Variants in CASP2 observed in about 807,000 individuals in gnomAD.
The protein encoded by CASP2 is caspase-2.
A neutral mutation model predicts 54.4 loss-of-function variants in CASP2; 38 were observed. The observed-to-expected ratio is 0.70, with a 90% CI of 0.54 to 0.92. The LOEUF (loss-of-function observed/expected upper bound fraction) is 0.92. Among genes scored for constraint, CASP2 ranks in the 40% least tolerant of loss-of-function variants. CASP2 has a pLI of 0.00. For missense variants in CASP2, 512 were observed against 579.6 expected, an observed-to-expected ratio of 0.88 and a Z score of 1.20; for synonymous variants, 215 against 216.3, an observed-to-expected ratio of 0.99 and a Z score of 0.05.
chr7:143,288,410 T>C lies in CASP2; in HGVS notation c.-46T>C, dbSNP rs777547508. ...GGGGAAGCGACGGCCCCCGGTTTGT[T>C]TGGGCTGTGGGCGGTGCGCAGCGGA... On this transcript the variant is annotated 5_prime_UTR_variant, in exon 1 of 11. Coordinates refer to ENST00000310447, the MANE Select transcript of CASP2 (RefSeq NM_032982.4). 6.3e-7 allele frequency: 1 copy of C among 1,597,128 alleles called. No homozygotes were observed. Among genetic ancestry groups the C allele is most frequent in the Non-Finnish European group, 8.6e-7 (1 of 1,167,432 alleles).
At chr7:143,300,351 G>C (rs1195390844) in intron 8 of CASP2, 57 bp downstream of exon 8, 2 of 1,607,304 alleles carry the variant, frequency 1.2e-6, no homozygotes. Context: ...CCTCCCACCA[G>C]CTCTCACTTT....
intron 6 of CASP2, among the ~76,000 whole-genome samples, chr7:143,295,402 G>C (rs903903334): frequency 6.6e-6 from 1 of 152,154 alleles, no homozygotes; most frequent in Non-Finnish European, 1.5e-5. Flanking sequence ...TCTAGAAATT[G>C]TAAACATTTT....
rs954553345 is a variant in CASP2 at position 143,293,040 on chromosome 7, A to AG, written c.475+348dup. The AG allele has an allele frequency of 7.8e-5, 47 of 601,068 alleles. No individual in the cohort carries two copies. In the Admixed American group the frequency reaches 8.3e-4, roughly 11 times the overall value. The allele number at this position is 601,068 out of a possible 1,614,324, so 37.2% of individuals were successfully genotyped here. A position where few individuals can be genotyped will look rare whatever the true frequency, so the allele number is the denominator to read the frequency against. ...AATAAAATAAAATAAAATAAAAAGG[A>AG]GGGGGGTGTCCCAGATTGACTTCCC... On this transcript the variant is annotated intron_variant, in intron 4 of 10. Transcript: ENST00000310447.
At chr7:143,290,914 G>T (rs1053468727) in intron 1 of CASP2, 4 of 155,732 alleles carry the variant, frequency 2.6e-5, no homozygotes, top group Non-Finnish European at 5.7e-5. Context: ...CTCTTTTAAA[G>T]TAAATAGATA....
At position 143,305,177 on chromosome 7, in the gene CASP2, G is replaced by A; in HGVS notation, c.*106G>A. 1 of 1,422,200 alleles carries A rather than the reference G, an allele frequency of 7.0e-7. No homozygotes were observed. Among genetic ancestry groups the A allele is most frequent in the Non-Finnish European group, 9.8e-7 (1 of 1,018,718 alleles). 88.1% of individuals were successfully genotyped at this position (1,422,200 alleles called of 1,614,324 possible). A position where few individuals can be genotyped will look rare whatever the true frequency, so the allele number is the denominator to read the frequency against. ...ACGGTTTCTGTTCTGCCCCCTCAGG[G>A]ATGTGGGAATCTCCCAGACTTGTTT... On this transcript the variant is annotated 3_prime_UTR_variant, in exon 11 of 11. Transcript: ENST00000310447.
intron 8 of CASP2, chr7:143,302,077 T>C (rs4647325): frequency 1.1e-4 from 16 of 152,188 alleles, no homozygotes; most frequent in Admixed American, 2.0e-4. Context: ...TGAAAATTAA[T>C]CTGCCTGAAA....
chr7:143,291,685 A>T lies in CASP2; in HGVS notation c.220A>T (p.Ile74Phe), dbSNP rs1801565150. 2.5e-6 allele frequency: 4 copies of T among 1,613,632 alleles called. No homozygotes were observed. The East Asian group carries it at 6.7e-5, about 27-fold the overall frequency. The stretch of plus-strand genomic sequence containing the variant: ...CATCACCTTGGAAATGAGGGAGCTC[A>T]TCCAGGTATCTGGAGGCAAAAGAGA... Reference protein sequence around the residue: ...DIITLEMRELIQAKVGSFSQN... With the variant: ...DIITLEMRELFQAKVGSFSQN... Residue 74 changes from isoleucine (I) to phenylalanine (F), a missense_variant, in exon 2 of 11, where the codon ATC becomes TTC. Ile to Phe is a conservative substitution (Grantham distance 21). Around this residue, in one of 3 missense-constraint regions of CASP2, gnomAD observed 417 missense variants for 495.4 expected, o/e 0.84. Transcript: ENST00000310447.
In CASP2 at chr7:143,292,332, A is replaced by G; in HGVS notation, c.258A>G (p.Glu86=). The G allele has an allele frequency of 6.2e-7, 1 of 1,614,110 alleles. No individual in the cohort carries two copies. The highest frequency in any genetic ancestry group is 8.5e-7 in the Non-Finnish European group (1 of 1,180,024). The change falls in exon 3 of 11, where the codon GAA becomes GAG. Residue 86 remains glutamate (E), a synonymous_variant. Coordinates refer to ENST00000310447, the MANE Select transcript of CASP2 (RefSeq NM_032982.4). ...AKVGSFSQNV[E]LLNLLPKRGP... ...TGGGCAGTTTCAGCCAGAATGTGGA[A>G]CTCCTCAACTTGCTGCCTAAGAGGG...
At position 143,294,292 on chromosome 7, in the gene CASP2, A is replaced by T; in HGVS notation, c.538A>T (p.Thr180Ser). 1 of 1,611,460 alleles carries T rather than the reference A, an allele frequency of 6.2e-7. No homozygotes were observed. Residue 180 changes from threonine (T) to serine (S), a missense_variant, in exon 5 of 11, where the codon ACT becomes TCT. Thr to Ser is a moderately conservative substitution (Grantham distance 58). This residue lies in a region of CASP2 where 417 missense variants were observed against 495.4 expected (regional missense o/e 0.84). Transcript: ENST00000310447. ...TGTCTGCCTTCAGGTGAAGCCTTGC[A>T]CTCCTGAATTTTATCAAACACACTT... ...GPVCLQVKPC[T>S]PEFYQTHFQL...
chr7:143,300,003 G>A lies in CASP2; in HGVS notation c.828G>A (p.Ser276=), dbSNP rs373653048. 9.7e-5 allele frequency: 157 copies of A among 1,614,066 alleles called. No individual in the cohort carries two copies. The highest frequency in any genetic ancestry group is 6.7e-5 in the Admixed American group (4 of 60,012). Residue 276 remains serine, a synonymous_variant, in exon 7 of 11, where the codon TCG becomes TCA. Coordinates refer to ENST00000310447, the MANE Select transcript of CASP2 (RefSeq NM_032982.4). ...ACTCCTGCATCGTGGCACTCCTCTC[G>A]CATGGTGTGGAGGGCGCCATCTATG... The part of the protein sequence containing the change: ...VTDSCIVALL[S]HGVEGAIYGV...
rs1200747885 is a variant in CASP2 at position 143,306,151 on chromosome 7, T to C, written c.*1080T>C. Reference sequence around the variant, plus strand: ...AGTATTAAACTCTCCTTTGATATTATGTGGCTTTTATTTCAGTGCCATACA... The same window carrying C: ...AGTATTAAACTCTCCTTTGATATTACGTGGCTTTTATTTCAGTGCCATACA... On this transcript the variant is annotated 3_prime_UTR_variant, in exon 11 of 11. Coordinates refer to ENST00000310447, the MANE Select transcript of CASP2 (RefSeq NM_032982.4). 4 of 152,282 alleles carry C rather than the reference T, an allele frequency of 2.6e-5. No homozygotes were observed. In the East Asian group the frequency reaches 7.7e-4, roughly 29 times the overall value. The allele number at this position is 152,282 out of a possible 1,614,324, so 9.4% of individuals were successfully genotyped here.
At chr7:143,304,006 C>T in intron 9 of CASP2, 73 bp downstream of exon 9, 1 of 1,346,890 alleles carries the variant, frequency 7.4e-7, no homozygotes, top group South Asian at 1.3e-5. Flanking sequence ...TTTGCAGGTA[C>T]AGGTTGAGTA....
chr7:143,305,253 T>TGC lies in CASP2; in HGVS notation c.*182_*183insGC. 1.3e-6 allele frequency: 1 copy of TGC among 767,194 alleles called. No individual in the cohort carries two copies. The highest frequency in any genetic ancestry group is 1.5e-5 in the South Asian group (1 of 64,802). 47.5% of individuals were successfully genotyped at this position (767,194 alleles called of 1,614,324 possible). ...AGTGTGGGACTCCAGGCCAGCTCCTTTTCTGTGAAGCCCTTTGCCTGTAGA... is the reference window on the plus strand; with the variant it reads ...AGTGTGGGACTCCAGGCCAGCTCCTTGCTTCTGTGAAGCCCTTTGCCTGTAGA... On this transcript the variant is annotated 3_prime_UTR_variant, in exon 11 of 11. Transcript: ENST00000310447.
intron 8 of CASP2, 140 bp from the exon 9 acceptor site, chr7:143,303,644 T>A (rs1386042123): frequency 2.0e-5 from 13 of 656,248 alleles, no homozygotes; most frequent in Non-Finnish European, 3.5e-5. Flanking sequence ...TTTTTTAGTT[T>A]ATCAGCCATA....
rs1407010476 is a variant in CASP2, at chr7:143,305,375, G to A, written c.*304G>A. The A allele has an allele frequency of 6.3e-6, 3 of 472,928 alleles. No homozygotes were observed. In the Admixed American group the frequency reaches 1.0e-4, roughly 16 times the overall value. 29.3% of individuals were successfully genotyped at this position (472,928 alleles called of 1,614,324 possible). ...AACACAGTGTGGTTATGGGGAGAGG[G>A]CATATAAATTCCCCATATTTGTGTT... On this transcript the variant is annotated 3_prime_UTR_variant, in exon 11 of 11. Coordinates refer to ENST00000310447, the MANE Select transcript of CASP2 (RefSeq NM_032982.4).
chr7:143,294,090 T>A, intron 4 of CASP2, 140 bp from the exon 5 acceptor site: 1 of 680,076 alleles, frequency 1.5e-6, no homozygotes, highest in Non-Finnish European at 2.7e-6. Context: ...TCTGCCCTCA[T>A]GAAGCTTACA....
chr7:143,291,723 A>ATCAT, intron 2 of CASP2, 33 bp downstream of exon 2: 1 of 1,560,108 alleles, frequency 6.4e-7, no homozygotes, highest in Non-Finnish European at 8.8e-7. Context: ...AGATAAATTG[A>ATCAT]TCATGGGGTG....
chr7:143,304,640 A>G (rs1802013990), intron 9 of CASP2, 34 bp from the exon 10 acceptor site: 2 of 1,496,090 alleles, frequency 1.3e-6, no homozygotes, highest in South Asian at 1.1e-5. Flanking sequence ...GTGTGATGGC[A>G]TTCACACTGT....
In CASP2 at chr7:143,305,296, C is replaced by T; in HGVS notation, c.*225C>T. On this transcript the variant is annotated 3_prime_UTR_variant, in exon 11 of 11. Coordinates refer to ENST00000310447, the MANE Select transcript of CASP2 (RefSeq NM_032982.4). ...CCTGTAGAGCCAGCCTTGGTTGGAC[C>T]TATTGCCAGGAATGTTTCAGCTGCA... is the stretch of plus-strand genomic sequence containing the variant. The T allele has an allele frequency of 1.6e-6, 1 of 613,086 alleles. No individual in the cohort carries two copies. The highest frequency in any genetic ancestry group is 2.9e-6 in the Non-Finnish European group (1 of 343,032). 38.0% of individuals were successfully genotyped at this position (613,086 alleles called of 1,614,324 possible).
Sources: allele counts gnomAD v4.1 joint callset (sites outside exome capture counted in the v4.1 genomes callset), GRCh38; gene constraint gnomAD v4.1.1; regional missense constraint gnomAD v4.1.1; transcripts MANE v1.5; gene names NCBI Gene and HGNC (gene_info 2026-07-23, HGNC 2026-07-21).